Variants in RNF213 observed in about 807,000 individuals in gnomAD.
RNF213 encodes E3 ubiquitin-protein ligase RNF213.
A neutral mutation model predicts 514.4 loss-of-function variants in RNF213; 341 were observed. That is an observed-to-expected ratio of 0.66 (90% CI 0.61 to 0.73). RNF213 has a LOEUF of 0.73. Ranked by LOEUF, RNF213 falls within the 30% of genes least tolerant of loss-of-function variation. The pLI, the probability that RNF213 is intolerant of heterozygous loss-of-function variation, is 0.00. For synonymous variants in RNF213, 2,655 were observed against 2,658.2 expected, an observed-to-expected ratio of 1.00 and a Z score of 0.04; for missense variants, 5,767 against 6,615.6, an observed-to-expected ratio of 0.87 and a Z score of 4.45.
chr17:80,262,740 C>T (rs563391103), intron 1 of RNF213, among the ~76,000 whole-genome samples: 1 of 152,208 alleles, frequency 6.6e-6, no homozygotes, highest in Non-Finnish European at 1.5e-5. Flanking sequence ...CCACACAGGT[C>T]AAGCCAGGGA....
chr17:80,391,264 C>T (rs956897896), intron 67 of RNF213, among the ~76,000 whole-genome samples: 1 of 152,116 alleles, frequency 6.6e-6, no homozygotes, highest in African/African-American at 2.4e-5. Context: ...ATATCATCCT[C>T]TGAATTGCCT....
At chr17:80,363,917 C>T (rs2079151633) in intron 41 of RNF213, 127 bp downstream of exon 41, 1 of 910,470 alleles carries the variant, frequency 1.1e-6, no homozygotes, top group Non-Finnish European at 1.7e-6. Flanking sequence ...CCGTCCTCAC[C>T]CGTTCACTCC....
Position 80,353,943 on chromosome 17 carries a change from A to G in RNF213, c.10579-76A>G. ...TGCTGTTTGCTGCATTGAGACCCTC[A>G]TCGCATACGGGCGGTTTGGCTTTTG... On this transcript the variant is annotated intron_variant, in intron 34 of 67. Transcript: ENST00000582970. The surrounding 1 kb of genome is among the most constrained non-coding windows in gnomAD (Gnocchi z 5.0). 1.3e-5 allele frequency: 20 copies of G among 1,585,342 alleles called. No individual in the cohort carries two copies. The South Asian group carries it at 1.8e-4, about 14-fold the overall frequency.
chr17:80,368,848 G>T (rs116130179), intron 44 of RNF213, among the ~76,000 whole-genome samples: 9,285 of 152,222 alleles, frequency 0.061, 372 homozygotes, highest in Middle Eastern at 0.13. Flanking sequence ...TCTGGACTCA[G>T]CAGGCCTCAG....
At chr17:80,342,793 G>A (rs770040590) in intron 26 of RNF213, among the ~76,000 whole-genome samples, 112 of 145,026 alleles carry the variant, frequency 7.7e-4, no homozygotes, top group East Asian at 6.0e-4. Flanking sequence ...ACAGAGTTTC[G>A]CTCTGTCACC....
chr17:80,290,482 C>CACGTGTGTGTGTGT, intron 6 of RNF213, 88 bp from the exon 7 acceptor site: 1 of 1,502,302 alleles, frequency 6.7e-7, no homozygotes, highest in Non-Finnish European at 9.2e-7. Flanking sequence ...CGTGTGTGTG[C>CACGTGTGTGTGTGT]GCACGTGTGT....
chr17:80,383,648 G>C (rs915947035), intron 58 of RNF213, 29 bp from the exon 59 acceptor site: 1 of 1,612,842 alleles, frequency 6.2e-7, no homozygotes, highest in African/African-American at 1.3e-5. Flanking sequence ...CTCACTTCCA[G>C]AATTTTTTTT....
At chr17:80,388,210 C>T (rs1185254265) in intron 63 of RNF213, among the ~76,000 whole-genome samples, 1 of 152,184 alleles carries the variant, frequency 6.6e-6, no homozygotes, top group Non-Finnish European at 1.5e-5. Flanking sequence ...GTGATCTGCC[C>T]GTCTCTGCCT....
intron 20 of RNF213, among the ~76,000 whole-genome samples, 183 bp downstream of exon 20, chr17:80,328,660 G>A (rs916004973): frequency 6.6e-6 from 1 of 151,934 alleles, no homozygotes; most frequent in Non-Finnish European, 1.5e-5. Context: ...TGGTATTTAT[G>A]TCCACATTTC....
At chr17:80,351,935 AC>A in intron 32 of RNF213, 132 bp downstream of exon 32, 1 of 582,204 alleles carries the variant, frequency 1.7e-6, no homozygotes, top group Non-Finnish European at 3.2e-6. Flanking sequence ...GCTCACTACA[AC>A]CTCAATCTCC....
chr17:80,318,696 C>G (rs377417776), intron 16 of RNF213, among the ~76,000 whole-genome samples: 457 of 152,246 alleles, frequency 3.0e-3, no homozygotes, highest in African/African-American at 0.01. Flanking sequence ...GCCTCAGCCT[C>G]CCGAGTAGCT....
intron 3 of RNF213, chr17:80,279,045 G>A (rs370361584): frequency 2.4e-5 from 28 of 1,190,158 alleles, no homozygotes; most frequent in South Asian, 1.0e-4. Context: ...GGGCGTTTTC[G>A]GGTCACCCTT....
chr17:80,335,801 C>G (rs139349808), intron 22 of RNF213, among the ~76,000 whole-genome samples: 1 of 151,966 alleles, frequency 6.6e-6, no homozygotes, highest in African/African-American at 2.4e-5. Flanking sequence ...CATGGTGAAA[C>G]CTGGTCTCTA....
Position 80,396,716 on chromosome 17 carries a change from A to C in RNF213, c.*3218A>C, listed in dbSNP as rs183996049. On this transcript the variant is annotated 3_prime_UTR_variant, in exon 68 of 68. Coordinates refer to ENST00000582970, the MANE Select transcript of RNF213 (RefSeq NM_001256071.3). ...TCCAGCTGGAAAAACAAGCGCCAGG[A>C]AAGTGCATTTCCCCCCCACCCCCCC... 1 of 132,564 alleles carries C rather than the reference A, an allele frequency of 7.5e-6. No homozygotes were observed. Among genetic ancestry groups the C allele is most frequent in the Admixed American group, 8.0e-5 (1 of 12,546 alleles). 8.2% of individuals were successfully genotyped at this position (132,564 alleles called of 1,614,324 possible). A position where few individuals can be genotyped will look rare whatever the true frequency, so the allele number is the denominator to read the frequency against.
At chr17:80,325,784 A>G (rs1429886948) in intron 18 of RNF213, among the ~76,000 whole-genome samples, 1 of 152,030 alleles carries the variant, frequency 6.6e-6, no homozygotes, top group East Asian at 1.9e-4. Context: ...TTAGATTCAT[A>G]TCTTTCAGTG....
At chr17:80,273,127 T>G in intron 2 of RNF213, 114 bp from the exon 3 acceptor site, 1 of 1,425,502 alleles carries the variant, frequency 7.0e-7, no homozygotes, top group Non-Finnish European at 9.8e-7. Context: ...ATGCAGGACC[T>G]CGGAGGGAGA....
chr17:80,369,623 C>G lies in RNF213; in HGVS notation c.12277C>G (p.Leu4093Val). 2 of 1,614,214 alleles carry G rather than the reference C, an allele frequency of 1.2e-6. No individual in the cohort carries two copies. Among genetic ancestry groups the G allele is most frequent in the Middle Eastern group, 1.6e-4 (1 of 6,062 alleles). ...PPEKEVIESL[L>V]SLLFVQKGRL... is the part of the protein sequence containing the mutation. ...TGAGAAGGAAGTGATTGAGAGCCTGCTCTCTCTCCTCTTCGTCCAAAAGGG... is the reference window on the plus strand; with the variant it reads ...TGAGAAGGAAGTGATTGAGAGCCTGGTCTCTCTCCTCTTCGTCCAAAAGGG... The change falls in exon 45 of 68, where the codon CTC (leucine) becomes GTC (valine). Residue 4093 changes from leucine to valine, a missense_variant. By Grantham distance (32) the Leu-to-Val change is conservative. This residue lies in a region of RNF213 where 93 missense variants were observed against 95.6 expected (regional missense o/e 0.97). Coordinates refer to ENST00000582970, the MANE Select transcript of RNF213 (RefSeq NM_001256071.3).
Position 80,343,067 on chromosome 17 carries a change from C to G in RNF213, c.5990-65C>G, listed in dbSNP as rs1246828565. On this transcript the variant is annotated intron_variant, in intron 26 of 67. Coordinates refer to ENST00000582970, the MANE Select transcript of RNF213 (RefSeq NM_001256071.3). This position sits in a 1 kb window ranked among gnomAD's most constrained non-coding sequence, Gnocchi z 4.3. ...AAGTGATCCCCCCGCCTCGGCCTCC[C>G]AAAGTGCTAGGATTACAGGTGTGAG... 4 of 1,405,472 alleles carry G rather than the reference C, an allele frequency of 2.8e-6. No homozygotes were observed. The highest frequency in any genetic ancestry group is 4.0e-6 in the Non-Finnish European group (4 of 992,866). 87.1% of individuals were successfully genotyped at this position (1,405,472 alleles called of 1,614,324 possible).
At position 80,298,421 on chromosome 17, in the gene RNF213, GCCCCGCGGCACAA is replaced by G; in HGVS notation, c.2114_2126del (p.Ala705GlyfsTer27). 1 of 1,614,184 alleles carries G rather than the reference GCCCCGCGGCACAA, an allele frequency of 6.2e-7. No homozygotes were observed. Among genetic ancestry groups the G allele is most frequent in the Non-Finnish European group, 8.5e-7 (1 of 1,180,034 alleles). ...TGTCCTGCACTGCTGTATGGAGCTG[GCCCCGCGGCACAA>G]GGATGCCTGGAGACAGCCTGAGGAC... On this transcript the variant is annotated frameshift_variant, in exon 11 of 68. Transcript: ENST00000582970. LOFTEE classifies it high-confidence loss of function.
Sources: gnomAD v4.1 joint callset for allele counts (sites outside exome capture counted in the v4.1 genomes callset) on GRCh38, gnomAD v4.1.1 for gene constraint, gnomAD v4.1.1 regional missense constraint, Gnocchi (gnomAD v3.1) non-coding constraint, MANE v1.5 for transcripts, NCBI Gene and HGNC (gene_info 2026-07-23, HGNC 2026-07-21) for gene names.